The following MAP4K2 variants were observed in gnomAD, a reference collection of about 807,000 sequenced individuals.
The protein encoded by MAP4K2 is mitogen-activated protein kinase kinase kinase kinase 2, also known as B lymphocyte serine/threonine protein kinase.
MAP4K2 carries 85 observed loss-of-function variants against 125.3 expected under a neutral mutation model. That is an observed-to-expected ratio of 0.68 (90% CI 0.57 to 0.81). The LOEUF (loss-of-function observed/expected upper bound fraction) is 0.81. Ranked by LOEUF, MAP4K2 falls within the 40% of genes least tolerant of loss-of-function variation. The pLI is 0.00. For synonymous variants in MAP4K2, 479 were observed against 445.1 expected, an observed-to-expected ratio of 1.08 and a Z score of -0.96; for missense variants, 923 against 1,056.4, an observed-to-expected ratio of 0.87 and a Z score of 1.75.
In MAP4K2 at chr11:64,800,891, T is replaced by C; in HGVS notation, c.662+9A>G. ...CAAGGGTCAGGTGAGGGGCAAGTGT[T>C]GGGCTGACCTCATGGGGTGCAGGTG... On this transcript the variant is annotated intron_variant, in intron 9 of 31. Transcript: ENST00000294066. 1 of 1,613,992 alleles carries C rather than the reference T, an allele frequency of 6.2e-7. No individual in the cohort carries two copies. The highest frequency in any genetic ancestry group is 8.5e-7 in the Non-Finnish European group (1 of 1,179,992).
chr11:64,799,328 T>C, intron 14 of MAP4K2, 93 bp downstream of exon 14: 1 of 1,507,014 alleles, frequency 6.6e-7, no homozygotes, highest in Non-Finnish European at 9.1e-7. Context: ...CCACCCAGCT[T>C]CAAATCTCCC....
At chr11:64,791,480 C>A (rs537382795) in intron 27 of MAP4K2, among the ~76,000 whole-genome samples, 1 of 152,366 alleles carries the variant, frequency 6.6e-6, no homozygotes, top group Admixed American at 6.5e-5. Context: ...CTCCCAGGCT[C>A]AAGTGATCCT....
rs780903164 is a variant in MAP4K2, at chr11:64,797,649, C to G, written c.1113G>C (p.Ser371=). Residue 371 remains serine, a synonymous_variant, in exon 16 of 32, where the codon TCG becomes TCC. Coordinates refer to ENST00000294066, the MANE Select transcript of MAP4K2 (RefSeq NM_004579.5). ...ACCTTTCCTCCAGGGCCTCCTGGAC[C>G]GACTGCAGCAGGCTCCTGGGCAGTG... ...KEELSGSLLQ[S]VQEALEERSL... 3 of 1,576,436 alleles carry G rather than the reference C, an allele frequency of 1.9e-6. No individual in the cohort carries two copies. The highest frequency in any genetic ancestry group is 1.4e-5 in the African/African-American group (1 of 74,054).
Position 64,802,450 on chromosome 11 carries a change from G to A in MAP4K2, c.279C>T (p.Cys93=), listed in dbSNP as rs888445183. ...AAATCTCCTGCAGGGAGCCCCCTCC[G>A]CAGAACTCCATGCAGATCCACAAGC... The part of the protein sequence containing the change: ...NDRLWICMEF[C]GGGSLQEIYH... The change falls in exon 4 of 32, where the codon TGC becomes TGT. Residue 93 remains cysteine (C), a synonymous_variant. Transcript: ENST00000294066. The A allele has an allele frequency of 1.3e-6, 2 of 1,506,718 alleles. No homozygotes were observed. Among genetic ancestry groups the A allele is most frequent in the Non-Finnish European group, 1.8e-6 (2 of 1,127,492 alleles). The allele number at this position is 1,506,718 out of a possible 1,614,324, so 93.3% of individuals were successfully genotyped here. A position where few individuals can be genotyped will look rare whatever the true frequency, so the allele number is the denominator to read the frequency against.
intron 26 of MAP4K2, 36 bp from the exon 27 acceptor site, chr11:64,792,122 T>TC (rs915948367): frequency 4.4e-6 from 7 of 1,579,556 alleles, no homozygotes; most frequent in Non-Finnish European, 5.2e-6. Context: ...TCTCCATTTC[T>TC]CCCCCCAGAG....
chr11:64,798,944 A>G, intron 14 of MAP4K2, 107 bp from the exon 15 acceptor site: 1 of 937,732 alleles, frequency 1.1e-6, no homozygotes, highest in African/African-American at 1.7e-5. Flanking sequence ...GACAGACGGG[A>G]AAGGTGAGAT....
At position 64,800,408 on chromosome 11, in the gene MAP4K2, G is replaced by GC. The variant is rs776703926; in HGVS notation, c.726-17dup. 3 of 1,613,018 alleles carry GC rather than the reference G, an allele frequency of 1.9e-6. No homozygotes were observed. The highest frequency in any genetic ancestry group is 2.2e-5 in the East Asian group (1 of 44,882). On this transcript the variant is annotated splice_polypyrimidine_tract_variant and intron_variant, in intron 10 of 31. Transcript: ENST00000294066. ...ATTCTGGGTCCTAGAAGGCACAAGA[G>GC]CCCCCCAGCGCCAGATCCAGGTTAG... is the stretch of plus-strand genomic sequence containing the variant.
rs1940173860 is a variant in MAP4K2 at position 64,785,032 on chromosome 11, G to A, written c.*4505C>T. On this transcript the variant is annotated 3_prime_UTR_variant, in exon 32 of 32. Transcript: ENST00000294066. The stretch of plus-strand genomic sequence containing the variant: ...GCATCCAAACAATGGAATACTACTT[G>A]GCAATAAAAAGGAATAAAATATTAA... 1 of 152,150 alleles carries A rather than the reference G, an allele frequency of 6.6e-6. No individual in the cohort carries two copies. The highest frequency in any genetic ancestry group is 6.6e-5 in the Admixed American group (1 of 15,260). The allele number at this position is 152,150 out of a possible 1,614,324, so 9.4% of individuals were successfully genotyped here.
At chr11:64,790,647 G>A (rs1340509045) in intron 27 of MAP4K2, among the ~76,000 whole-genome samples, 185 bp from the exon 28 acceptor site, 1 of 152,192 alleles carries the variant, frequency 6.6e-6, no homozygotes, top group African/African-American at 2.4e-5. Flanking sequence ...GAGGATGAGT[G>A]ACCCGTCCTA....
In MAP4K2 at chr11:64,796,853, AG is replaced by A; in HGVS notation, c.1447del (p.Leu483CysfsTer21). 6.2e-7 allele frequency: 1 copy of A among 1,613,804 alleles called. No individual in the cohort carries two copies. Among genetic ancestry groups the A allele is most frequent in the Non-Finnish European group, 8.5e-7 (1 of 1,180,000 alleles). The stretch of plus-strand genomic sequence containing the variant: ...CCAGGTGACAGCAGCGTGGATCCGC[AG>A]GGGGCAGCCATTGAAGACCTTGGAG... ...CFSKVFNGCP[L>X]RIHAAVTWIH... On this transcript the variant is annotated frameshift_variant, in exon 21 of 32. Transcript: ENST00000294066. LOFTEE classifies it high-confidence loss of function.
intron 27 of MAP4K2, among the ~76,000 whole-genome samples, chr11:64,791,018 C>A (rs1415114751): frequency 1.3e-5 from 2 of 152,194 alleles, no homozygotes; most frequent in African/African-American, 4.8e-5. Flanking sequence ...TGCTTGTAAT[C>A]CCAGCTACTC....
At chr11:64,795,891 C>T (rs1453247223) in intron 24 of MAP4K2, among the ~76,000 whole-genome samples, 1 of 152,148 alleles carries the variant, frequency 6.6e-6, no homozygotes, top group Non-Finnish European at 1.5e-5. Context: ...TCATGGGAAT[C>T]CTTGAAAGCA....
In MAP4K2 at chr11:64,800,095, C is replaced by G; in HGVS notation, c.915+14G>C. On this transcript the variant is annotated intron_variant, in intron 12 of 31. Coordinates refer to ENST00000294066, the MANE Select transcript of MAP4K2 (RefSeq NM_004579.5). ...GACCAGCCCAAGACTCACTTTCCAG[C>G]CCCCCTCACCTACCTCCAGCTCACA... The G allele has an allele frequency of 3.2e-6, 5 of 1,576,844 alleles. No individual in the cohort carries two copies. The highest frequency in any genetic ancestry group is 4.3e-6 in the Non-Finnish European group (5 of 1,159,438).
At position 64,797,123 on chromosome 11, in the gene MAP4K2, T is replaced by C; in HGVS notation, c.1346A>G (p.Lys449Arg). 6.2e-7 allele frequency: 1 copy of C among 1,614,172 alleles called. No homozygotes were observed. Among genetic ancestry groups the C allele is most frequent in the South Asian group, 1.1e-5 (1 of 91,084 alleles). ...TCTTACCTCAGGATCCTCCCGCTGC[T>C]TCATGGTGGCCCAGGCCGTGGGCAG... ...PLLPTAWATM[K>R]QREDPERSSC... is the part of the protein sequence containing the mutation. The change falls in exon 19 of 32, where the codon AAG (lysine) becomes AGG (arginine). Residue 449 changes from lysine (K) to arginine (R), a missense_variant. Lys to Arg is a conservative substitution (Grantham distance 26). Transcript: ENST00000294066.
Position 64,787,393 on chromosome 11 carries a change from A to G in MAP4K2, c.*2144T>C, listed in dbSNP as rs1320820657. 1 of 152,124 alleles carries G rather than the reference A, an allele frequency of 6.6e-6. No homozygotes were observed. The highest frequency in any genetic ancestry group is 1.9e-4 in the East Asian group (1 of 5,198). 9.4% of individuals were successfully genotyped at this position (152,124 alleles called of 1,614,324 possible). ...TGTGGAATATGTTAATACGTATATA[A>G]AAAATCGCCAAGAATAAAATATACC... On this transcript the variant is annotated 3_prime_UTR_variant, in exon 32 of 32. Transcript: ENST00000294066.
chr11:64,802,873 C>G lies in MAP4K2; in HGVS notation c.154+12G>C, dbSNP rs1457384465. The G allele has an allele frequency of 2.6e-5, 41 of 1,598,798 alleles. No individual in the cohort carries two copies. Among genetic ancestry groups the G allele is most frequent in the Non-Finnish European group, 3.2e-5 (38 of 1,173,738 alleles). ...CCTTCCTCTGGCGCAGAGGCCCGAC[C>G]CGGGCCCTCACCTGGGTCTAGCTTG... On this transcript the variant is annotated intron_variant, in intron 2 of 31. Transcript: ENST00000294066.
chr11:64,789,850 A>G (rs1039326487), intron 30 of MAP4K2, 39 bp downstream of exon 30: 2 of 1,614,040 alleles, frequency 1.2e-6, no homozygotes, highest in Non-Finnish European at 1.7e-6. Flanking sequence ...GGTAGGGACC[A>G]CAAGGCAGGG....
At position 64,791,972 on chromosome 11, in the gene MAP4K2, G is replaced by A. The variant is rs374778757; in HGVS notation, c.2029C>T (p.Arg677Cys). The A allele has an allele frequency of 5.7e-5, 92 of 1,604,614 alleles. No homozygotes were observed. The highest frequency in any genetic ancestry group is 8.9e-5 in the South Asian group (8 of 89,470). Residue 677 changes from arginine (R) to cysteine (C), a missense_variant, in exon 27 of 32, where the codon CGC becomes TGC. By Grantham distance (180) the Arg-to-Cys change is radical. Around this residue, in one of 2 missense-constraint regions of MAP4K2, gnomAD observed 833 missense variants for 911.4 expected, o/e 0.91. Transcript: ENST00000294066. ...AGGGGCAGGACATGGAACAGGACGC[G>A]GCAGCCGGGCCCCTCAGGCCCCTCG... ...GAEGPEGPGC[R>C]VLFHVLPLEA...
At chr11:64,798,865 G>A (rs761410729) in intron 14 of MAP4K2, 28 bp from the exon 15 acceptor site, 15 of 1,574,260 alleles carry the variant, frequency 9.5e-6, no homozygotes, top group Non-Finnish European at 7.8e-6. Flanking sequence ...AGAGACCGGG[G>A]AAGAAGCAGA....
Sources: gnomAD v4.1 joint callset for allele counts (sites outside exome capture counted in the v4.1 genomes callset) on GRCh38, gnomAD v4.1.1 for gene constraint, gnomAD v4.1.1 regional missense constraint, MANE v1.5 for transcripts, NCBI Gene and HGNC (gene_info 2026-07-23, HGNC 2026-07-21) for gene names.